CNTNAP2: variants seen among roughly 807,000 people sequenced by gnomAD.
CNTNAP2 encodes contactin associated protein 2.
A neutral mutation model predicts 155.2 loss-of-function variants in CNTNAP2; 98 were observed. The observed-to-expected ratio is 0.63, with a 90% CI of 0.54 to 0.75. The LOEUF (loss-of-function observed/expected upper bound fraction) is 0.75, where lower values mean the gene tolerates loss of function less well. Ranked by LOEUF, CNTNAP2 falls within the 30% of genes least tolerant of loss-of-function variation. The pLI is 0.00. For missense variants in CNTNAP2, 1,727 were observed against 1,688.1 expected, an observed-to-expected ratio of 1.02 and a Z score of -0.40; for synonymous variants, 651 against 631.2, an observed-to-expected ratio of 1.03 and a Z score of -0.47.
At chr7:146,156,196 A>G (rs765637929) in intron 1 of CNTNAP2, among the ~76,000 whole-genome samples, 2 of 152,188 alleles carry the variant, frequency 1.3e-5, no homozygotes, top group Non-Finnish European at 2.9e-5. Flanking sequence ...CAGTCTCTCA[A>G]ACAAATGTGA....
chr7:146,790,627 T>C (rs1258302474), intron 2 of CNTNAP2, among the ~76,000 whole-genome samples: 1 of 151,050 alleles, frequency 6.6e-6, no homozygotes, highest in Non-Finnish European at 1.5e-5. Context: ...TGGAGTGCAG[T>C]GGCGCGATCT....
At chr7:148,349,405 C>CTTTT (rs369932664) in intron 21 of CNTNAP2, among the ~76,000 whole-genome samples, 83,076 of 135,536 alleles carry the variant, frequency 0.61, 27,865 homozygotes, top group East Asian at 0.93. Context: ...AAAAAAATCT[C>CTTTT]TCTTTTTTTT....
intron 17 of CNTNAP2, among the ~76,000 whole-genome samples, chr7:148,163,678 G>A (rs1201422615): frequency 6.6e-6 from 1 of 152,184 alleles, no homozygotes; most frequent in Non-Finnish European, 1.5e-5. Context: ...AGTGTCATCT[G>A]AAAAAGCAAT....
intron 3 of CNTNAP2, among the ~76,000 whole-genome samples, chr7:146,989,404 AG>A (rs1448079330): frequency 6.6e-6 from 1 of 152,080 alleles, no homozygotes; most frequent in African/African-American, 2.4e-5. Context: ...GGAAACAAGT[AG>A]TAGATGTAGG....
chr7:146,978,756 T>C (rs1229238950), intron 3 of CNTNAP2, among the ~76,000 whole-genome samples: 1 of 151,662 alleles, frequency 6.6e-6, no homozygotes, highest in African/African-American at 2.4e-5. Flanking sequence ...TAAATATATA[T>C]TTATTAATAG....
At chr7:148,054,121 C>T (rs535481512) in intron 15 of CNTNAP2, among the ~76,000 whole-genome samples, 3 of 152,030 alleles carry the variant, frequency 2.0e-5, no homozygotes, top group South Asian at 2.1e-4. Context: ...TACAGGTACC[C>T]GCCACCACAC....
chr7:146,683,345 A>G (rs949280041), intron 1 of CNTNAP2, among the ~76,000 whole-genome samples: 3 of 152,188 alleles, frequency 2.0e-5, no homozygotes, highest in African/African-American at 7.2e-5. Context: ...GTCGTTACCT[A>G]AAATATTTCA....
chr7:147,638,811 A>G (rs755340434), intron 12 of CNTNAP2: 4 of 511,822 alleles, frequency 7.8e-6, no homozygotes, highest in Non-Finnish European at 1.5e-5. Context: ...TCAATGCTGC[A>G]GATGTTAGAG....
intron 1 of CNTNAP2, among the ~76,000 whole-genome samples, chr7:146,168,763 T>C (rs6972187): frequency 1.7e-4 from 26 of 152,316 alleles, no homozygotes; most frequent in African/African-American, 6.3e-4. Context: ...TACCAGCTTC[T>C]AGCTTTTACC....
At chr7:147,073,487 T>C (rs750150617) in intron 4 of CNTNAP2, among the ~76,000 whole-genome samples, 3 of 151,984 alleles carry the variant, frequency 2.0e-5, no homozygotes, top group Non-Finnish European at 4.4e-5. Context: ...AAACGACAAA[T>C]TGTGACTTAG....
At chr7:147,450,246 T>C (rs1458130566) in intron 10 of CNTNAP2, among the ~76,000 whole-genome samples, 1 of 152,146 alleles carries the variant, frequency 6.6e-6, no homozygotes, top group African/African-American at 2.4e-5. Context: ...ATTCCTGACT[T>C]GAAGTTGGAG....
intron 1 of CNTNAP2, among the ~76,000 whole-genome samples, chr7:146,584,761 A>G (rs1009395764): frequency 1.1e-4 from 17 of 151,850 alleles, no homozygotes; most frequent in Non-Finnish European, 2.5e-4. Flanking sequence ...GCTAGGAGAA[A>G]GCCAAGGGCC....
At chr7:147,794,752 AC>A (rs201785278) in intron 13 of CNTNAP2, among the ~76,000 whole-genome samples, 15 of 124,168 alleles carry the variant, frequency 1.2e-4, no homozygotes, top group African/African-American at 4.3e-4. Context: ...TTTTTTAAAA[AC>A]AATTAATTCA....
chr7:148,078,672 G>A (rs1460690230), intron 15 of CNTNAP2, among the ~76,000 whole-genome samples: 1 of 151,946 alleles, frequency 6.6e-6, no homozygotes, highest in Non-Finnish European at 1.5e-5. Context: ...GTAGAGACAG[G>A]GTTTCACCAT....
chr7:146,594,128 G>A (rs957283283), intron 1 of CNTNAP2, among the ~76,000 whole-genome samples: 24 of 152,202 alleles, frequency 1.6e-4, no homozygotes, highest in African/African-American at 4.3e-4. Flanking sequence ...GACTCACATC[G>A]TGCTTTTTGG....
intron 20 of CNTNAP2, among the ~76,000 whole-genome samples, chr7:148,242,947 A>G (rs993548491): frequency 1.1e-4 from 16 of 152,216 alleles, no homozygotes; most frequent in African/African-American, 3.4e-4. Flanking sequence ...AGCTGAGGAA[A>G]TATAATCAAA....
rs764045750 is a variant in CNTNAP2 at position 147,395,568 on chromosome 7, C to T, written c.1499-41C>T. The T allele has an allele frequency of 5.6e-6, 9 of 1,601,462 alleles. No homozygotes were observed. The South Asian group carries it at 8.9e-5, about 16-fold the overall frequency. On this transcript the variant is annotated intron_variant, in intron 9 of 23. Transcript: ENST00000361727. ...CACAAGAATTTTAGTGAAGGTTATA[C>T]TGTACACCAGATTTACATTCCCATT...
chr7:148,101,349 C>CAG (rs201844305), intron 15 of CNTNAP2, among the ~76,000 whole-genome samples: 1,511 of 102,358 alleles, frequency 0.015, 34 homozygotes, highest in African/African-American at 0.063. Flanking sequence ...CTAAAAAGTT[C>CAG]AGTGTGTGTG....
At position 148,229,711 on chromosome 7, in the gene CNTNAP2, A is replaced by G. The variant is rs1169677529; in HGVS notation, c.3313A>G (p.Arg1105Gly). 6.2e-7 allele frequency: 1 copy of G among 1,614,202 alleles called. No homozygotes were observed. ...REPYNIDVDH[R>G]NMANGQPHSV... ...GCCATACAATATTGACGTAGACCAC[A>G]GGAACATGGCCAATGGACAGCCCCA... Residue 1105 changes from arginine (R) to glycine (G), a missense_variant, in exon 20 of 24, where the codon AGG becomes GGG. Coordinates refer to ENST00000361727, the MANE Select transcript of CNTNAP2 (RefSeq NM_014141.6).
Sources: allele counts gnomAD v4.1 joint callset (sites outside exome capture counted in the v4.1 genomes callset), GRCh38; gene constraint gnomAD v4.1.1; transcripts MANE v1.5; gene names NCBI Gene and HGNC (gene_info 2026-07-23, HGNC 2026-07-21).